Variants in MEGF6 observed in about 807,000 individuals in gnomAD.
The protein encoded by MEGF6 is multiple epidermal growth factor-like domains protein 6.
A neutral mutation model predicts 207.1 loss-of-function variants in MEGF6; 184 were observed. That is an observed-to-expected ratio of 0.89 (90% CI 0.79 to 1.00). MEGF6 has a LOEUF of 1.00. Ranked by LOEUF, MEGF6 falls within the 50% of genes least tolerant of loss-of-function variation. The pLI is 0.00. For synonymous variants in MEGF6, 1,038 were observed against 910.0 expected (o/e 1.14, Z -2.53); for missense variants, 2,282 against 2,202.9 (o/e 1.04, Z -0.72).
At position 3,509,064 on chromosome 1, in the gene MEGF6, C is replaced by T; in HGVS notation, c.1528+11G>A. The stretch of plus-strand genomic sequence containing the variant: ...CGAGCAGGAGCCCCCGGGGGCTGGG[C>T]CCGCGCTCACCAAACTTCTCTGTGA... On this transcript the variant is annotated intron_variant, in intron 12 of 36. Transcript: ENST00000356575. 1 of 1,567,558 alleles carries T rather than the reference C, an allele frequency of 6.4e-7. No individual in the cohort carries two copies. Among genetic ancestry groups the T allele is most frequent in the Non-Finnish European group, 8.6e-7 (1 of 1,158,354 alleles).
intron 4 of MEGF6, among the ~76,000 whole-genome samples, chr1:3,567,550 A>T (rs1348983997): frequency 6.6e-6 from 1 of 151,864 alleles, no homozygotes; most frequent in Non-Finnish European, 1.5e-5. Context: ...CTCTCCCAGG[A>T]CAAGCCACCT....
chr1:3,608,327 T>A (rs2821022), intron 1 of MEGF6, among the ~76,000 whole-genome samples: 49,768 of 151,830 alleles, frequency 0.33, 8,414 homozygotes, highest in Admixed American at 0.39. Context: ...GAGAGCTCCT[T>A]CCCCTCCAGG....
In MEGF6 at chr1:3,594,532, C is replaced by T. The variant is rs939272957; in HGVS notation, c.376+806G>A. 5.3e-5 allele frequency among the ~76,000 whole-genome samples: 8 copies of T among 152,334 alleles called. No individual in the cohort carries two copies. The highest frequency in any genetic ancestry group is 4.1e-4 in the South Asian group (2 of 4,828). On this transcript the variant is annotated intron_variant, in intron 3 of 36. Transcript: ENST00000356575. This position sits in a 1 kb window ranked among gnomAD's most constrained non-coding sequence, Gnocchi z 4.2. The stretch of plus-strand genomic sequence containing the variant: ...GTCCCTCACTGGCAGGATGCCACCT[C>T]GATTTTTTAGGGGAGGCCGGCTTTA...
At chr1:3,542,169 G>A (rs1489285331) in intron 4 of MEGF6, among the ~76,000 whole-genome samples, 5 of 152,312 alleles carry the variant, frequency 3.3e-5, no homozygotes, top group Middle Eastern at 3.4e-3. Context: ...GCACAGTGTC[G>A]GGGCTGAATC....
At chr1:3,539,617 C>T (rs914020647) in intron 4 of MEGF6, among the ~76,000 whole-genome samples, 8 of 152,204 alleles carry the variant, frequency 5.3e-5, no homozygotes, top group Admixed American at 3.3e-4. Context: ...CCCCAACCTC[C>T]TCATGAGTAG....
chr1:3,530,402 C>T (rs1461532999), intron 4 of MEGF6, among the ~76,000 whole-genome samples: 1 of 152,150 alleles, frequency 6.6e-6, no homozygotes, highest in African/African-American at 2.4e-5. Context: ...CACTGGGAGC[C>T]GCAAACCCCA....
At chr1:3,502,441 G>A (rs1348049256) in intron 17 of MEGF6, among the ~76,000 whole-genome samples, 10 of 152,312 alleles carry the variant, frequency 6.6e-5, no homozygotes, top group African/African-American at 2.4e-4. Flanking sequence ...CACCCAGCTG[G>A]GAGCCCCTCC....
the MEGF6 span, among the ~76,000 whole-genome samples, chr1:3,618,284 T>G: frequency 6.6e-6 from 1 of 152,000 alleles, no homozygotes; most frequent in African/African-American, 2.4e-5. The surrounding 1 kb of genome is among the most constrained non-coding windows in gnomAD (Gnocchi z 4.7). Flanking sequence ...CCCAGCAACA[T>G]TCTGTTTAAG....
In MEGF6 at chr1:3,501,234, G is replaced by A. The variant is rs548171669; in HGVS notation, c.2389C>T (p.Pro797Ser). 10 of 1,611,496 alleles carry A rather than the reference G, an allele frequency of 6.2e-6. No homozygotes were observed. Among genetic ancestry groups the A allele is most frequent in the Admixed American group, 5.0e-5 (3 of 59,890 alleles). Residue 797 changes from proline (P) to serine (S), a missense_variant, in exon 19 of 37, where the codon CCT becomes TCT. Coordinates refer to ENST00000356575, the MANE Select transcript of MEGF6 (RefSeq NM_001409.4). The stretch of plus-strand genomic sequence containing the variant: ...AGGCACAGGCAGGCTCCGGTCTCAG[G>A]GTCGCAGCGGGCAGCGTGCTGGCAT... ...PACQHAARCD[P>S]ETGACLCLPG... is the part of the protein sequence containing the mutation.
At position 3,580,381 on chromosome 1, in the gene MEGF6, G is replaced by GCCCCA. The variant is rs1557792451; in HGVS notation, c.377-453_377-452insTGGGG. Among the ~76,000 whole-genome samples, 10 of 152,232 alleles carry GCCCCA rather than the reference G, an allele frequency of 6.6e-5. No homozygotes were observed. In the East Asian group the frequency reaches 1.9e-3, roughly 30 times the overall value. On this transcript the variant is annotated intron_variant, in intron 3 of 36. Coordinates refer to ENST00000356575, the MANE Select transcript of MEGF6 (RefSeq NM_001409.4). ...AACCTACTAGGTTGGCCCCAGCCCC[G>GCCCCA]GGAGGGGAGGCTCCGGCCCAGGCCA...
At chr1:3,493,416 G>A (rs1037795732) in intron 34 of MEGF6, 6 of 344,198 alleles carry the variant, frequency 1.7e-5, no homozygotes, top group Non-Finnish European at 3.2e-5. Context: ...CCTCAGGTGG[G>A]GCCCTCTGGG....
At chr1:3,571,568 T>C (rs1643494464) in intron 4 of MEGF6, among the ~76,000 whole-genome samples, 3 of 152,060 alleles carry the variant, frequency 2.0e-5, no homozygotes, top group African/African-American at 7.2e-5. Context: ...TGCTGGGTCT[T>C]CCCCCCAAGT....
Position 3,601,371 on chromosome 1 carries a change from C to T in MEGF6, c.266+1095G>A, listed in dbSNP as rs191323417. Among the ~76,000 whole-genome samples the T allele has an allele frequency of 1.2e-4, 18 of 152,368 alleles. No individual in the cohort carries two copies. The East Asian group carries it at 2.3e-3, about 20-fold the overall frequency. Reference sequence around the variant, plus strand: ...CATCCACAGGGCAGGCCCGCATCCACGCATGGGTGACAGTCAGGACAGACT... The same window carrying T: ...CATCCACAGGGCAGGCCCGCATCCATGCATGGGTGACAGTCAGGACAGACT... On this transcript the variant is annotated intron_variant, in intron 2 of 36. Coordinates refer to ENST00000356575, the MANE Select transcript of MEGF6 (RefSeq NM_001409.4).
intron 35 of MEGF6, among the ~76,000 whole-genome samples, chr1:3,491,354 G>A (rs1640355610): frequency 6.6e-6 from 1 of 152,046 alleles, no homozygotes; most frequent in African/African-American, 2.4e-5. Context: ...GGCACCCAGC[G>A]CAGGTGCCGG....
intron 2 of MEGF6, among the ~76,000 whole-genome samples, chr1:3,595,775 C>T (rs1207471786): frequency 6.6e-6 from 1 of 152,148 alleles, no homozygotes; most frequent in Non-Finnish European, 1.5e-5. Flanking sequence ...CGTTGGGACG[C>T]ACATCTCACC....
chr1:3,491,025 C>A (rs1640336612), intron 35 of MEGF6, 66 bp from the exon 36 acceptor site: 1 of 1,460,354 alleles, frequency 6.8e-7, no homozygotes, highest in Admixed American at 2.3e-5. Context: ...GTAATGGCAG[C>A]AAGGCGTGAC....
rs1431640585 is a variant in MEGF6, at chr1:3,573,703, C to T, written c.481+6122G>A. Among the ~76,000 whole-genome samples, 1 of 152,200 alleles carries T rather than the reference C, an allele frequency of 6.6e-6. No individual in the cohort carries two copies. Among genetic ancestry groups the T allele is most frequent in the Non-Finnish European group, 1.5e-5 (1 of 68,022 alleles). ...CAGGAGCCCCGTCCTCCCCTCCCAC[C>T]ACTCCCTGGGGCACAGAGTCTGAGT... On this transcript the variant is annotated intron_variant, in intron 4 of 36. Coordinates refer to ENST00000356575, the MANE Select transcript of MEGF6 (RefSeq NM_001409.4). The surrounding 1 kb of genome is among the most constrained non-coding windows in gnomAD (Gnocchi z 5.1).
intron 4 of MEGF6, among the ~76,000 whole-genome samples, chr1:3,533,012 G>GGC (rs1355222027): frequency 1.3e-5 from 2 of 152,172 alleles, no homozygotes; most frequent in African/African-American, 4.8e-5. Flanking sequence ...GGAAGCAGGC[G>GGC]GCCCATCCCG....
chr1:3,514,423 G>C (rs1043569320), intron 7 of MEGF6, 127 bp downstream of exon 7: 3 of 1,256,660 alleles, frequency 2.4e-6, no homozygotes, highest in African/African-American at 3.0e-5. Context: ...GGTCACCCAA[G>C]GGGGCAAGGC....
Sources: allele counts gnomAD v4.1 joint callset (sites outside exome capture counted in the v4.1 genomes callset), GRCh38; gene constraint gnomAD v4.1.1; non-coding constraint Gnocchi (gnomAD v3.1); transcripts MANE v1.5; gene names NCBI Gene and HGNC (gene_info 2026-07-23, HGNC 2026-07-21).